Variants in MYO3A observed in about 807,000 individuals in gnomAD.
MYO3A encodes myosin-IIIa.
Under a neutral mutation model 192.7 loss-of-function variants are expected in MYO3A, and 180 were observed. That is an observed-to-expected ratio of 0.93 (90% CI 0.83 to 1.06). The LOEUF (loss-of-function observed/expected upper bound fraction) is 1.06. Ranked by LOEUF, MYO3A falls within the 50% of genes least tolerant of loss-of-function variation. MYO3A has a pLI of 0.00. For missense variants in MYO3A, 1,896 were observed against 1,905.0 expected (o/e 1.00, Z 0.09); for synonymous variants, 628 against 645.3 (o/e 0.97, Z 0.41).
chr10:26,157,463 A>T lies in MYO3A; in HGVS notation c.2947A>T (p.Ile983Phe). The change falls in exon 26 of 35, where the codon ATT becomes TTT. Residue 983 changes from isoleucine (I) to phenylalanine (F), a missense_variant. Physicochemically the swap from Ile to Phe is conservative, Grantham distance 21. Coordinates refer to ENST00000642920, the MANE Select transcript of MYO3A (RefSeq NM_017433.5). ...RYTGILETAR[I>F]RRLGFSHRIL... is the part of the protein sequence containing the mutation. ...CACAGGAATTCTGGAAACAGCAAGA[A>T]TTCGAAGACTAGGATTCTCCCATCG... 6.2e-7 allele frequency: 1 copy of T among 1,614,214 alleles called. No homozygotes were observed. Among genetic ancestry groups the T allele is most frequent in the South Asian group, 1.1e-5 (1 of 91,084 alleles).
chr10:26,114,471 T>A (rs897665619), intron 17 of MYO3A, among the ~76,000 whole-genome samples: 18 of 152,222 alleles, frequency 1.2e-4, no homozygotes, highest in Non-Finnish European at 1.8e-4. Context: ...GAGAAGTTAA[T>A]TGGCTTTTGG....
chr10:26,053,254 TATTTA>T (rs1844114540), intron 10 of MYO3A, among the ~76,000 whole-genome samples: 1 of 152,096 alleles, frequency 6.6e-6, no homozygotes, highest in African/African-American at 2.4e-5. Flanking sequence ...TGTCTTAGAA[TATTTA>T]ATTTGTTTAT....
chr10:26,138,457 G>C (rs748121802), intron 20 of MYO3A, among the ~76,000 whole-genome samples: 14 of 152,094 alleles, frequency 9.2e-5, no homozygotes, highest in Non-Finnish European at 1.8e-4. Context: ...TCTGTTAAAA[G>C]TCAAATTCTA....
intron 10 of MYO3A, among the ~76,000 whole-genome samples, chr10:26,029,750 A>G (rs1842724497): frequency 1.3e-5 from 2 of 152,002 alleles, no homozygotes; most frequent in African/African-American, 4.8e-5. Flanking sequence ...AGTAACTCTC[A>G]GATTTGCATT....
At chr10:26,183,032 G>A (rs1842683749) in intron 31 of MYO3A, among the ~76,000 whole-genome samples, 1 of 152,192 alleles carries the variant, frequency 6.6e-6, no homozygotes, top group Non-Finnish European at 1.5e-5. Context: ...ATCCATGCGA[G>A]ATGACAGCCC....
At chr10:26,059,018 C>T (rs75867641) in intron 10 of MYO3A, among the ~76,000 whole-genome samples, 3 of 43,798 alleles carry the variant, frequency 6.8e-5, no homozygotes, top group Middle Eastern at 0.019. Context: ...AAAGCAGTGA[C>T]TTTTTTATAT....
At chr10:26,087,040 T>C (rs189739096) in intron 14 of MYO3A, among the ~76,000 whole-genome samples, 1 of 152,226 alleles carries the variant, frequency 6.6e-6, no homozygotes, top group East Asian at 1.9e-4. Context: ...TTTTTACTTA[T>C]GTCCTTGATA....
intron 25 of MYO3A, among the ~76,000 whole-genome samples, chr10:26,156,088 T>G (rs1429613471): frequency 6.6e-6 from 1 of 152,130 alleles, no homozygotes; most frequent in Non-Finnish European, 1.5e-5. Flanking sequence ...GCTTAGAGTA[T>G]CACCCCTGTA....
At chr10:26,100,867 A>G (rs1837399488) in intron 17 of MYO3A, among the ~76,000 whole-genome samples, 1 of 152,142 alleles carries the variant, frequency 6.6e-6, no homozygotes, top group Admixed American at 6.5e-5. Flanking sequence ...AAGAATGTAT[A>G]TTCTGTTGAT....
In MYO3A at chr10:26,176,659, T is replaced by C. The variant is rs16926632; in HGVS notation, c.4294-42T>C. ...CCCGGTGCCTGCAGAACTCTCTGTA[T>C]TCTTTTCCTTGATTTAACCTGACAC... On this transcript the variant is annotated intron_variant, in intron 30 of 34. Transcript: ENST00000642920. 7.0e-4 allele frequency: 1,098 copies of C among 1,576,374 alleles called. 8 individuals carry two copies. The African/African-American group carries it at 0.013, about 19-fold the overall frequency.
intron 7 of MYO3A, 48 bp from the exon 8 acceptor site, chr10:26,021,454 CT>C: frequency 6.3e-7 from 1 of 1,591,486 alleles, no homozygotes; most frequent in Admixed American, 1.7e-5. Context: ...TTATTACATG[CT>C]TGTTAAAGTC....
At position 26,120,692 on chromosome 10, in the gene MYO3A, A is replaced by G. The variant is rs1168319245; in HGVS notation, c.1793A>G (p.Tyr598Cys). The G allele has an allele frequency of 1.9e-6, 3 of 1,613,958 alleles. No homozygotes were observed. In the African/African-American group the frequency reaches 4.0e-5, roughly 22 times the overall value. The change falls in exon 18 of 35, where the codon TAC (tyrosine) becomes TGC (cysteine). Residue 598 changes from tyrosine to cysteine, a missense_variant. By Grantham distance (194) the Tyr-to-Cys change is radical. Transcript: ENST00000642920. ...GTGTTTCAGCAACTTGGTAGTATAT[A>G]CAGCATACTCGCTGCAATCTTGAAT... ...GFTMEQLGSI[Y>C]SILAAILNVG...
chr10:26,060,909 CTTTTTA>C (rs1320514876), intron 10 of MYO3A, among the ~76,000 whole-genome samples: 6 of 150,262 alleles, frequency 4.0e-5, no homozygotes, highest in Non-Finnish European at 7.4e-5. Context: ...TTCAAGACAA[CTTTTTA>C]TTTTTATTTT....
At chr10:26,171,783 T>C (rs577280980) in intron 29 of MYO3A, among the ~76,000 whole-genome samples, 18 of 152,262 alleles carry the variant, frequency 1.2e-4, no homozygotes, top group Admixed American at 9.8e-4. Flanking sequence ...GAGAGAAATA[T>C]AAACTGGCTG....
intron 6 of MYO3A, among the ~76,000 whole-genome samples, chr10:26,001,171 C>T (rs957671247): frequency 6.6e-6 from 1 of 152,164 alleles, no homozygotes; most frequent in African/African-American, 2.4e-5. Context: ...CTACCACTCT[C>T]ACTCGCCATT....
chr10:26,112,410 A>T (rs1423518588), intron 17 of MYO3A, among the ~76,000 whole-genome samples: 1 of 152,178 alleles, frequency 6.6e-6, no homozygotes, highest in East Asian at 1.9e-4. Context: ...TTTATCCCCA[A>T]TATTGATTTT....
chr10:26,195,094 C>T (rs74816716), intron 32 of MYO3A, among the ~76,000 whole-genome samples: 7,497 of 152,152 alleles, frequency 0.049, 585 homozygotes, highest in African/African-American at 0.17. Context: ...CCACTCCCCA[C>T]CCCCTGCCCC....
chr10:26,061,759 G>C (rs1446166588), intron 10 of MYO3A, among the ~76,000 whole-genome samples: 1 of 152,084 alleles, frequency 6.6e-6, no homozygotes, highest in East Asian at 1.9e-4. Flanking sequence ...GGAAGAGTGA[G>C]GGCACCAACC....
chr10:26,085,130 ACTTAT>A (rs1203274323), intron 14 of MYO3A, among the ~76,000 whole-genome samples: 1 of 151,642 alleles, frequency 6.6e-6, no homozygotes, highest in African/African-American at 2.4e-5. Context: ...TTTTTATTTT[ACTTAT>A]CTTAGTCATC....
Sources: allele counts gnomAD v4.1 joint callset (sites outside exome capture counted in the v4.1 genomes callset), GRCh38; gene constraint gnomAD v4.1.1; transcripts MANE v1.5; gene names NCBI Gene and HGNC (gene_info 2026-07-23, HGNC 2026-07-21).